The following JAK1 variants were observed in gnomAD, a reference collection of about 807,000 sequenced individuals.
JAK1 encodes the protein tyrosine-protein kinase JAK1.
In JAK1, 16 loss-of-function variants were observed where a neutral mutation model predicts 136.6. The observed-to-expected ratio is 0.12, with a 90% CI of 0.08 to 0.18. The LOEUF (loss-of-function observed/expected upper bound fraction) is 0.18. Ranked by LOEUF, JAK1 falls within the 10% of genes least tolerant of loss-of-function variation. The pLI is 1.00. For synonymous variants in JAK1, 492 were observed against 519.5 expected (o/e 0.95, Z 0.72); for missense variants, 859 against 1,450.1 (o/e 0.59, Z 6.62).
intron 3 of JAK1, among the ~76,000 whole-genome samples, chr1:64,881,668 T>C (rs1644774720): frequency 6.6e-6 from 1 of 152,176 alleles, no homozygotes; most frequent in Non-Finnish European, 1.5e-5. Flanking sequence ...TAAGGTAGGC[T>C]AGAAACCGAC....
rs115482051 is a variant in JAK1 at position 64,898,171 on chromosome 1, T to C, written c.-77-11830A>G. Reference sequence around the variant, plus strand: ...GAGTCAGAAAGAACTTTCCCAAAGCTTGTCTTCCTGGTTGTCGCGTCTGGC... The same window carrying C: ...GAGTCAGAAAGAACTTTCCCAAAGCCTGTCTTCCTGGTTGTCGCGTCTGGC... On this transcript the variant is annotated intron_variant, in intron 1 of 24. Coordinates refer to ENST00000342505, the MANE Select transcript of JAK1 (RefSeq NM_002227.4). 3.1e-3 allele frequency among the ~76,000 whole-genome samples: 468 copies of C among 152,344 alleles called. 2 individuals carry two copies. Among genetic ancestry groups the C allele is most frequent in the African/African-American group, 0.011 (439 of 41,584 alleles).
chr1:64,890,296 A>T (rs1644915840), intron 1 of JAK1, among the ~76,000 whole-genome samples: 1 of 151,776 alleles, frequency 6.6e-6, no homozygotes, highest in Non-Finnish European at 1.5e-5. Flanking sequence ...AGCACAAATT[A>T]GGTGATCAAG....
At chr1:64,922,471 C>A (rs932976574) in intron 1 of JAK1, among the ~76,000 whole-genome samples, 2 of 131,196 alleles carry the variant, frequency 1.5e-5, no homozygotes, top group African/African-American at 5.5e-5. Flanking sequence ...TGTACCTAGA[C>A]TTCTCAGTTT....
chr1:64,949,824 GA>G (rs1280444166), intron 1 of JAK1, among the ~76,000 whole-genome samples: 1 of 152,100 alleles, frequency 6.6e-6, no homozygotes, highest in African/African-American at 2.4e-5. Flanking sequence ...ATTAGCAGCA[GA>G]AAAATGCTAA....
At chr1:65,049,638 T>C (rs17127238) in intron 1 of JAK1, among the ~76,000 whole-genome samples, 2,459 of 152,250 alleles carry the variant, frequency 0.016, 57 homozygotes, top group African/African-American at 0.057. Flanking sequence ...GGCACTGCTG[T>C]GGTCCACAGA....
At chr1:64,957,557 T>C (rs903995951) in intron 1 of JAK1, among the ~76,000 whole-genome samples, 3 of 152,218 alleles carry the variant, frequency 2.0e-5, no homozygotes, top group Non-Finnish European at 4.4e-5. Flanking sequence ...ATGCCTGTAA[T>C]CCCAGCACTT....
chr1:64,923,707 C>T (rs1366337010), intron 1 of JAK1, among the ~76,000 whole-genome samples: 7 of 152,112 alleles, frequency 4.6e-5, no homozygotes, highest in Non-Finnish European at 1.0e-4. Flanking sequence ...GAATCAAGGC[C>T]ACACATGCCA....
chr1:64,913,439 A>G (rs1335430791), intron 1 of JAK1, among the ~76,000 whole-genome samples: 1 of 152,042 alleles, frequency 6.6e-6, no homozygotes, highest in African/African-American at 2.4e-5. Flanking sequence ...TCAATAAATA[A>G]TTTTTGTGTG....
chr1:65,067,470 G>T (rs1648112301), intron 1 of JAK1: 1 of 147,094 alleles, frequency 6.8e-6, no homozygotes, highest in African/African-American at 2.4e-5. Context: ...GCGGCGCACG[G>T]GCGCGCACTC....
intron 1 of JAK1, among the ~76,000 whole-genome samples, chr1:64,913,904 A>G (rs1363657360): frequency 6.6e-6 from 1 of 152,228 alleles, no homozygotes; most frequent in East Asian, 1.9e-4. Context: ...CAGAAATAAG[A>G]GCACAAGTTT....
intron 1 of JAK1, among the ~76,000 whole-genome samples, chr1:65,063,672 G>A (rs1647911760): frequency 6.6e-6 from 1 of 151,986 alleles, no homozygotes; most frequent in African/African-American, 2.4e-5. Context: ...GGGCGTGGTG[G>A]CACACACCTG....
intron 4 of JAK1, among the ~76,000 whole-genome samples, chr1:64,876,798 A>G (rs547560636): frequency 7.9e-5 from 12 of 152,336 alleles, no homozygotes; most frequent in African/African-American, 2.9e-4. Context: ...GTGGAGGAAC[A>G]AAGCAGGAAG....
intron 1 of JAK1, among the ~76,000 whole-genome samples, chr1:65,062,254 C>T (rs372336893): frequency 1.3e-5 from 2 of 152,184 alleles, no homozygotes; most frequent in Admixed American, 1.3e-4. Flanking sequence ...AGTTAATTTA[C>T]TTTCTGATTT....
At chr1:65,034,413 T>G (rs1055159743) in intron 2 of JAK1, among the ~76,000 whole-genome samples, 2 of 152,242 alleles carry the variant, frequency 1.3e-5, no homozygotes, top group Admixed American at 1.3e-4. Context: ...TCAGTTATCC[T>G]AAGTGATTTT....
rs1336933424 is a variant in JAK1 at position 64,928,866 on chromosome 1, G to A, written c.-78+37467C>T. On this transcript the variant is annotated intron_variant, in intron 1 of 24. Transcript: ENST00000342505. ...AAGGTAATATATTAATGATTTTAGAGATTATAATAAACTCCCACAGATTCA... is the reference window on the plus strand; with the variant it reads ...AAGGTAATATATTAATGATTTTAGAAATTATAATAAACTCCCACAGATTCA... Among the ~76,000 whole-genome samples the A allele has an allele frequency of 2.7e-5, 4 of 146,388 alleles. No individual in the cohort carries two copies. The East Asian group carries it at 8.0e-4, about 29-fold the overall frequency.
intron 1 of JAK1, among the ~76,000 whole-genome samples, chr1:64,955,234 G>A (rs1646162709): frequency 6.6e-6 from 1 of 152,196 alleles, no homozygotes; most frequent in Non-Finnish European, 1.5e-5. Flanking sequence ...CCTCGTGACT[G>A]CATAGTGGAG....
At chr1:65,049,435 T>G (rs746970874) in intron 1 of JAK1, among the ~76,000 whole-genome samples, 1 of 146,834 alleles carries the variant, frequency 6.8e-6, no homozygotes, top group Non-Finnish European at 1.5e-5. Flanking sequence ...CAAACAACAA[T>G]GACAAAAAAC....
At chr1:65,040,696 C>G (rs531881138) in intron 2 of JAK1, among the ~76,000 whole-genome samples, 1 of 152,192 alleles carries the variant, frequency 6.6e-6, no homozygotes, top group Admixed American at 6.5e-5. Flanking sequence ...CCCCATCCCA[C>G]TCACCTACCC....
At chr1:64,923,555 T>TA (rs993395477) in intron 1 of JAK1, among the ~76,000 whole-genome samples, 1 of 152,212 alleles carries the variant, frequency 6.6e-6, no homozygotes, top group African/African-American at 2.4e-5. Context: ...TGTCACAAAT[T>TA]AGAGTCCCTC....
Sources: allele counts gnomAD v4.1 joint callset (sites outside exome capture counted in the v4.1 genomes callset), GRCh38; gene constraint gnomAD v4.1.1; transcripts MANE v1.5; gene names NCBI Gene and HGNC (gene_info 2026-07-23, HGNC 2026-07-21).